Variants in LSM12 observed in about 807,000 individuals in gnomAD.
LSM12 encodes LSM12 homolog.
For synonymous variants in LSM12, 74 were observed against 87.3 expected (o/e 0.85, Z 0.85); for missense variants, 108 against 238.9 (o/e 0.45, Z 3.61).
Position 44,066,537 on chromosome 17 carries a change from G to C in LSM12, c.51C>G (p.Cys17Trp). 6.6e-7 allele frequency: 1 copy of C among 1,517,404 alleles called. No individual in the cohort carries two copies. The highest frequency in any genetic ancestry group is 8.8e-7 in the Non-Finnish European group (1 of 1,133,512). The allele number at this position is 1,517,404 out of a possible 1,614,324, so 94.0% of individuals were successfully genotyped here. A position where few individuals can be genotyped will look rare whatever the true frequency, so the allele number is the denominator to read the frequency against. Residue 17 changes from cysteine to tryptophan, a missense_variant, in exon 1 of 5, where the codon TGC becomes TGG. By Grantham distance (215) the Cys-to-Trp change is radical. Transcript: ENST00000293406. ...GCAGCCGCTGCTCCTGGCACGTCCG[G>C]CACGACACCTGGCTCCCAACGCTGA... ...EYFSVGSQVS[C>W]RTCQEQRLQG...
chr17:44,036,555 A>G (rs2049417709), intron 4 of LSM12, among the ~76,000 whole-genome samples: 1 of 152,200 alleles, frequency 6.6e-6, no homozygotes, highest in Non-Finnish European at 1.5e-5. Flanking sequence ...ATAAAATATA[A>G]TAAGGGGAGA....
chr17:44,037,176 C>A, intron 4 of LSM12: 1 of 388,740 alleles, frequency 2.6e-6, no homozygotes, highest in Admixed American at 4.6e-5. Context: ...CTTCCTAATT[C>A]CAAAAAGCCA....
intron 3 of LSM12, among the ~76,000 whole-genome samples, chr17:44,038,725 G>A (rs982328462): frequency 6.6e-6 from 1 of 152,158 alleles, no homozygotes; most frequent in Admixed American, 6.5e-5. Flanking sequence ...ACCCATAATG[G>A]GAGCTGCTCT....
chr17:44,041,244 C>A (rs2049483102), intron 2 of LSM12, among the ~76,000 whole-genome samples: 1 of 142,330 alleles, frequency 7.0e-6, no homozygotes, highest in Non-Finnish European at 1.5e-5. Flanking sequence ...GTACTCCAGC[C>A]TGGGCAAAGA....
At chr17:44,059,341 C>A (rs914058938) in intron 2 of LSM12, among the ~76,000 whole-genome samples, 1 of 152,092 alleles carries the variant, frequency 6.6e-6, no homozygotes, top group Non-Finnish European at 1.5e-5. Flanking sequence ...ATAATCCTAA[C>A]ACTTTAGGAG....
At chr17:44,052,385 G>A in intron 2 of LSM12, among the ~76,000 whole-genome samples, 1 of 152,110 alleles carries the variant, frequency 6.6e-6, no homozygotes, top group Non-Finnish European at 1.5e-5. Flanking sequence ...CTGAAAGGCT[G>A]AAGTGGGAGG....
intron 3 of LSM12, 45 bp downstream of exon 3, chr17:44,040,102 G>A (rs1429040430): frequency 6.9e-7 from 1 of 1,454,414 alleles, no homozygotes; most frequent in East Asian, 2.3e-5. Context: ...AGCACAACCA[G>A]GTAGCATTAC....
In LSM12 at chr17:44,066,611, CGG is replaced by C; in HGVS notation, c.-26_-25del. 1 of 1,324,490 alleles carries C rather than the reference CGG, an allele frequency of 7.6e-7. No homozygotes were observed. Among genetic ancestry groups the C allele is most frequent in the Non-Finnish European group, 9.7e-7 (1 of 1,033,564 alleles). The allele number at this position is 1,324,490 out of a possible 1,614,324, so 82.0% of individuals were successfully genotyped here. ...ATCTTGGGAGTGCAGCCGCGGCCGG[CGG>C]CGGCGGCGGCAGCAGCGGGCGAAAG... On this transcript the variant is annotated 5_prime_UTR_variant, in exon 1 of 5. Transcript: ENST00000293406.
chr17:44,052,192 T>C (rs935517720), intron 2 of LSM12, among the ~76,000 whole-genome samples: 2 of 150,842 alleles, frequency 1.3e-5, no homozygotes, highest in South Asian at 2.1e-4. Flanking sequence ...GCTATGATCA[T>C]GTCACTGCAT....
At chr17:44,041,302 C>CACACACACACACACACACACACAA (rs1567955832) in intron 2 of LSM12, among the ~76,000 whole-genome samples, 35 of 127,444 alleles carry the variant, frequency 2.7e-4, no homozygotes, top group Non-Finnish European at 4.4e-4. Context: ...CACACACACA[C>CACACACACACACACACACACACAA]ACACACACAC....
intron 2 of LSM12, among the ~76,000 whole-genome samples, chr17:44,054,506 A>G (rs1282767337): frequency 6.6e-6 from 1 of 152,102 alleles, no homozygotes; most frequent in African/African-American, 2.4e-5. Context: ...GACAGGGTCT[A>G]TGTTGCCCAT....
chr17:44,052,698 G>A (rs2049662581), intron 2 of LSM12, among the ~76,000 whole-genome samples: 2 of 152,098 alleles, frequency 1.3e-5, no homozygotes, highest in East Asian at 3.9e-4. Context: ...GGTGGAGGTT[G>A]CAGTGAGCTG....
intron 2 of LSM12, among the ~76,000 whole-genome samples, chr17:44,062,351 C>A (rs2049808953): frequency 6.6e-6 from 1 of 151,950 alleles, no homozygotes; most frequent in Non-Finnish European, 1.5e-5. Flanking sequence ...GATATGGTCA[C>A]CTTAACTGTG....
At chr17:44,043,755 G>A (rs926511195) in intron 2 of LSM12, among the ~76,000 whole-genome samples, 5 of 150,808 alleles carry the variant, frequency 3.3e-5, no homozygotes, top group African/African-American at 7.3e-5. Context: ...GATCACTTGA[G>A]CCCAGTAGTT....
At chr17:44,066,345 C>T (rs2049876564) in intron 1 of LSM12, 119 bp downstream of exon 1, 6 of 1,334,376 alleles carry the variant, frequency 4.5e-6, no homozygotes, top group Non-Finnish European at 5.9e-6. Context: ...CCCCGGGCGC[C>T]GCGGTAGCCG....
chr17:44,059,213 A>G (rs891619803), intron 2 of LSM12, among the ~76,000 whole-genome samples: 2 of 152,116 alleles, frequency 1.3e-5, no homozygotes, highest in Non-Finnish European at 2.9e-5. Context: ...CACACGAAAC[A>G]TAACTTAGCA....
chr17:44,066,579 A>G lies in LSM12; in HGVS notation c.9T>C (p.Ala3=). The G allele has an allele frequency of 1.4e-6, 2 of 1,459,220 alleles. No homozygotes were observed. Among genetic ancestry groups the G allele is most frequent in the South Asian group, 1.3e-5 (1 of 74,756 alleles). The allele number at this position is 1,459,220 out of a possible 1,614,324, so 90.4% of individuals were successfully genotyped here. A position where few individuals can be genotyped will look rare whatever the true frequency, so the allele number is the denominator to read the frequency against. The change falls in exon 1 of 5, where the codon GCT becomes GCC. Residue 3 remains alanine, a synonymous_variant. Transcript: ENST00000293406. ...CAACGCTGAAGTACTCGCCCGGAGG[A>G]GCCGCCATCTTGGGAGTGCAGCCGC... The part of the protein sequence containing the change: MA[A]PPGEYFSVGS...
chr17:44,066,296 C>A (rs538327718), intron 1 of LSM12, among the ~76,000 whole-genome samples, 168 bp downstream of exon 1: 10 of 152,274 alleles, frequency 6.6e-5, no homozygotes, highest in African/African-American at 2.2e-4. Flanking sequence ...CCGAAGGGCC[C>A]GCGGGAGGGG....
intron 2 of LSM12, among the ~76,000 whole-genome samples, chr17:44,058,417 T>TA (rs934362589): frequency 5.9e-5 from 9 of 152,110 alleles, no homozygotes; most frequent in African/African-American, 2.2e-4. Context: ...AAACGTTACC[T>TA]AGGGGCTGGG....
Sources: gnomAD v4.1 joint callset for allele counts (sites outside exome capture counted in the v4.1 genomes callset) on GRCh38, gnomAD v4.1.1 for gene constraint, MANE v1.5 for transcripts, NCBI Gene and HGNC (gene_info 2026-07-23, HGNC 2026-07-21) for gene names.